SPAG16: variants seen among roughly 807,000 people sequenced by gnomAD.
The protein encoded by SPAG16 is sperm associated antigen 16, also known as sperm-associated antigen 16 protein.
SPAG16 carries 86 observed loss-of-function variants against 80.4 expected under a neutral mutation model. The ratio of observed to expected loss-of-function variants is 1.07; its 90% CI spans 0.90 to 1.28. SPAG16 has a LOEUF of 1.28. SPAG16 is among the 50% of genes most tolerant of loss of function. SPAG16 has a pLI of 0.00. For missense variants in SPAG16, 870 were observed against 765.3 expected (o/e 1.14, Z -1.61); for synonymous variants, 294 against 265.9 (o/e 1.11, Z -1.03).
intron 10 of SPAG16, among the ~76,000 whole-genome samples, chr2:213,629,991 T>TTC: frequency 6.6e-6 from 1 of 152,244 alleles, no homozygotes; most frequent in African/African-American, 2.4e-5. Flanking sequence ...AGTCTGTCAC[T>TTC]ATTTTCTCAT....
intron 15 of SPAG16, among the ~76,000 whole-genome samples, chr2:214,275,154 AT>A (rs1270903718): frequency 1.1e-4 from 16 of 152,144 alleles, no homozygotes; most frequent in African/African-American, 3.4e-4. Context: ...CCGCTTTACC[AT>A]TTTTTATTGT....
intron 9 of SPAG16, among the ~76,000 whole-genome samples, chr2:213,466,627 A>G (rs2072713788): frequency 6.6e-6 from 1 of 152,194 alleles, no homozygotes; most frequent in South Asian, 2.1e-4. Flanking sequence ...GTAGACCTAG[A>G]TACTTCACTG....
rs551003052 is a variant in SPAG16, at chr2:214,212,637, A to T, written c.1720+63371A>T. Among the ~76,000 whole-genome samples, 8 of 152,310 alleles carry T rather than the reference A, an allele frequency of 5.3e-5. No homozygotes were observed. In the East Asian group the frequency reaches 1.5e-3, roughly 29 times the overall value. ...AAGTCAGGCTCCAGAAGGGCAGACT[A>T]AAGCCACCAAGCAAGGAACAAGAAC... On this transcript the variant is annotated intron_variant, in intron 15 of 15. Transcript: ENST00000331683.
chr2:214,090,337 T>C (rs933718692), intron 13 of SPAG16, among the ~76,000 whole-genome samples: 1 of 151,886 alleles, frequency 6.6e-6, no homozygotes. Context: ...AACAGCAATA[T>C]TCAATTTCTT....
intron 12 of SPAG16, among the ~76,000 whole-genome samples, chr2:213,951,642 A>G (rs981278757): frequency 1.3e-5 from 2 of 152,204 alleles, no homozygotes; most frequent in Non-Finnish European, 2.9e-5. Flanking sequence ...ACCAGTTTAC[A>G]AGGATAAACA....
chr2:213,385,251 C>A (rs1471571420), intron 9 of SPAG16, among the ~76,000 whole-genome samples: 2 of 152,162 alleles, frequency 1.3e-5, no homozygotes, highest in Admixed American at 1.3e-4. Context: ...GTAGCATTGG[C>A]TTTTCTAGTT....
intron 1 of SPAG16, among the ~76,000 whole-genome samples, chr2:213,288,471 ATT>A (rs11459677): frequency 2.1e-5 from 3 of 143,016 alleles, no homozygotes; most frequent in African/African-American, 2.6e-5. Flanking sequence ...CACCTGGCTA[ATT>A]TTTTTTTTTT....
chr2:214,343,023 C>T (rs2126034098), intron 15 of SPAG16, among the ~76,000 whole-genome samples: 1 of 151,912 alleles, frequency 6.6e-6, no homozygotes, highest in African/African-American at 2.4e-5. Context: ...AGGCAACAGG[C>T]AGGGAATTGA....
At chr2:213,389,855 C>T (rs2067649219) in intron 9 of SPAG16, among the ~76,000 whole-genome samples, 1 of 152,014 alleles carries the variant, frequency 6.6e-6, no homozygotes, top group African/African-American at 2.4e-5. Flanking sequence ...ATAGAATTAC[C>T]ATATGATCTC....
At chr2:213,635,961 C>T (rs987092346) in intron 10 of SPAG16, among the ~76,000 whole-genome samples, 4 of 152,056 alleles carry the variant, frequency 2.6e-5, no homozygotes, top group Non-Finnish European at 2.9e-5. Context: ...AATTAAGTAC[C>T]GTCTATTTGT....
intron 10 of SPAG16, among the ~76,000 whole-genome samples, chr2:213,540,216 T>G (rs977263154): frequency 3.1e-5 from 2 of 64,272 alleles, no homozygotes; most frequent in African/African-American, 5.7e-5. Flanking sequence ...TATTTTTTTA[T>G]TTTTTTTGTA....
intron 12 of SPAG16, among the ~76,000 whole-genome samples, chr2:213,971,270 A>G (rs775493211): frequency 1.6e-4 from 25 of 152,166 alleles, no homozygotes; most frequent in Non-Finnish European, 2.6e-4. Context: ...TAACTATTGC[A>G]TCATTAGTGC....
At chr2:213,746,813 A>G (rs1035217284) in intron 10 of SPAG16, among the ~76,000 whole-genome samples, 1 of 152,240 alleles carries the variant, frequency 6.6e-6, no homozygotes, top group African/African-American at 2.4e-5. Context: ...TTTCAAAAAA[A>G]GAAGAAAAGA....
chr2:213,394,727 C>T (rs1005471358), intron 9 of SPAG16, among the ~76,000 whole-genome samples: 2 of 152,092 alleles, frequency 1.3e-5, no homozygotes, highest in African/African-American at 4.8e-5. Context: ...TTACACTTGG[C>T]ATAATTCCAC....
chr2:213,774,502 TTTCC>T (rs2069449521), intron 10 of SPAG16, among the ~76,000 whole-genome samples: 1 of 152,212 alleles, frequency 6.6e-6, no homozygotes, highest in Non-Finnish European at 1.5e-5. Context: ...GTCTACCCTA[TTTCC>T]TGTGATCTCA....
rs1227291835 is a variant in SPAG16 at position 213,350,584 on chromosome 2, A to T, written c.701A>T (p.His234Leu). The T allele has an allele frequency of 1.2e-6, 2 of 1,604,598 alleles. No individual in the cohort carries two copies. Among genetic ancestry groups the T allele is most frequent in the Non-Finnish European group, 1.7e-6 (2 of 1,177,280 alleles). ...EPTIRVLHEK[H>L]HTLLKEKMLT... ...ACTATAAGGGTGTTACATGAGAAACACCACACTTTACTGAAGGAGAAAATG... is the reference window on the plus strand; with the variant it reads ...ACTATAAGGGTGTTACATGAGAAACTCCACACTTTACTGAAGGAGAAAATG... The change falls in exon 7 of 16, where the codon CAC becomes CTC. Residue 234 changes from histidine (H) to leucine (L), a missense_variant. His to Leu is a moderately conservative substitution (Grantham distance 99, BLOSUM62 -3). Transcript: ENST00000331683.
At chr2:213,929,623 G>T (rs1402451271) in intron 11 of SPAG16, among the ~76,000 whole-genome samples, 1 of 103,130 alleles carries the variant, frequency 9.7e-6, no homozygotes, top group African/African-American at 2.7e-5. Context: ...TTGTTCTGAA[G>T]CCCGATCATC....
intron 9 of SPAG16, among the ~76,000 whole-genome samples, chr2:213,473,319 A>G (rs745527569): frequency 1.3e-5 from 2 of 152,160 alleles, no homozygotes; most frequent in African/African-American, 2.4e-5. Flanking sequence ...TCAGGATCCA[A>G]TTATTCCAAT....
At chr2:213,376,225 ATCT>A (rs971496872) in intron 9 of SPAG16, among the ~76,000 whole-genome samples, 4 of 151,890 alleles carry the variant, frequency 2.6e-5, no homozygotes, top group Admixed American at 2.6e-4. Context: ...AAACATTTTC[ATCT>A]TCTAACGGTA....
Sources: allele counts gnomAD v4.1 joint callset (sites outside exome capture counted in the v4.1 genomes callset), GRCh38; gene constraint gnomAD v4.1.1; transcripts MANE v1.5; gene names NCBI Gene and HGNC (gene_info 2026-07-23, HGNC 2026-07-21).